The following ZRANB3 variants were observed in gnomAD, a reference collection of about 807,000 sequenced individuals.
ZRANB3 encodes the protein DNA annealing helicase and endonuclease ZRANB3.
ZRANB3 carries 125 observed loss-of-function variants against 133.8 expected under a neutral mutation model. The observed-to-expected ratio is 0.93, with a 90% CI of 0.81 to 1.08. The LOEUF (loss-of-function observed/expected upper bound fraction) is 1.08, where lower values mean the gene tolerates loss of function less well. ZRANB3 is among the 50% of genes least tolerant of loss of function. The pLI is 0.00. For missense variants in ZRANB3, 1,229 were observed against 1,275.5 expected (o/e 0.96, Z 0.56); for synonymous variants, 387 against 432.7 (o/e 0.89, Z 1.31).
At chr2:135,393,539 A>C (rs1687341033) in intron 2 of ZRANB3, among the ~76,000 whole-genome samples, 1 of 152,184 alleles carries the variant, frequency 6.6e-6, no homozygotes, top group Admixed American at 6.5e-5. Flanking sequence ...GTGTTCAAAA[A>C]GAGAAAAAGC....
At chr2:135,275,151 A>G (rs1328779152) in intron 9 of ZRANB3, among the ~76,000 whole-genome samples, 2 of 151,590 alleles carry the variant, frequency 1.3e-5, no homozygotes, top group African/African-American at 2.4e-5. Context: ...CACCTCCCAG[A>G]CGGGGTGGCG....
At chr2:135,286,453 T>C (rs1681371439) in intron 8 of ZRANB3, among the ~76,000 whole-genome samples, 1 of 152,132 alleles carries the variant, frequency 6.6e-6, no homozygotes, top group South Asian at 2.1e-4. Context: ...AATTTTTGTA[T>C]TTTTGGTAGT....
chr2:135,435,711 T>C (rs964405366), intron 2 of ZRANB3, among the ~76,000 whole-genome samples: 1 of 152,242 alleles, frequency 6.6e-6, no homozygotes, highest in Non-Finnish European at 1.5e-5. Context: ...GGTATCTCAC[T>C]GTGGCTTTGA....
At chr2:135,379,279 G>A (rs535670318) in intron 3 of ZRANB3, among the ~76,000 whole-genome samples, 9 of 152,266 alleles carry the variant, frequency 5.9e-5, no homozygotes, top group East Asian at 3.9e-4. Context: ...AAGGACTACC[G>A]TGTAGTCTCA....
intron 12 of ZRANB3, among the ~76,000 whole-genome samples, chr2:135,235,103 A>C (rs1573728694): frequency 6.6e-6 from 1 of 152,214 alleles, no homozygotes; most frequent in African/African-American, 2.4e-5. Flanking sequence ...GATAAAGGGG[A>C]TATCACCACC....
intron 2 of ZRANB3, among the ~76,000 whole-genome samples, chr2:135,464,764 T>G (rs1320023434): frequency 6.6e-6 from 1 of 152,216 alleles, no homozygotes; most frequent in African/African-American, 2.4e-5. Flanking sequence ...AGCTTGGACA[T>G]GCCAATCATC....
At chr2:135,408,402 T>C (rs2104950324) in intron 2 of ZRANB3, among the ~76,000 whole-genome samples, 1 of 152,342 alleles carries the variant, frequency 6.6e-6, no homozygotes, top group Non-Finnish European at 1.5e-5. Flanking sequence ...TCAGCCATTG[T>C]GGAAATCAGC....
chr2:135,426,918 A>G (rs1689120886), intron 2 of ZRANB3, among the ~76,000 whole-genome samples: 1 of 126,682 alleles, frequency 7.9e-6, no homozygotes, highest in Non-Finnish European at 1.7e-5. Context: ...ATATGTGCAA[A>G]TCAATAAATA....
chr2:135,466,733 G>A (rs540888330), intron 2 of ZRANB3, among the ~76,000 whole-genome samples: 3 of 150,988 alleles, frequency 2.0e-5, no homozygotes, highest in Non-Finnish European at 2.9e-5. Context: ...GCTAGAGTGC[G>A]ATGGCACAAT....
chr2:135,480,281 G>A (rs578178807), intron 2 of ZRANB3, among the ~76,000 whole-genome samples: 3 of 152,090 alleles, frequency 2.0e-5, no homozygotes, highest in Non-Finnish European at 2.9e-5. Context: ...GTTAGGCTGA[G>A]ATGATAAGCA....
chr2:135,414,262 T>C, intron 2 of ZRANB3, among the ~76,000 whole-genome samples: 1 of 151,874 alleles, frequency 6.6e-6, no homozygotes, highest in Non-Finnish European at 1.5e-5. Flanking sequence ...GAGGAAGATC[T>C]ACCAAGCCAA....
chr2:135,251,167 G>A (rs143206847), intron 12 of ZRANB3, among the ~76,000 whole-genome samples: 5 of 152,302 alleles, frequency 3.3e-5, no homozygotes, highest in East Asian at 1.9e-4. Context: ...TGCCTCACTC[G>A]ATTTCAGACT....
chr2:135,289,012 C>A (rs1002046355), intron 8 of ZRANB3, among the ~76,000 whole-genome samples: 10 of 151,450 alleles, frequency 6.6e-5, no homozygotes, highest in Non-Finnish European at 1.5e-4. Flanking sequence ...TGAGGTATGA[C>A]CTTAGATTGT....
chr2:135,392,073 C>A (rs960001667), intron 2 of ZRANB3, among the ~76,000 whole-genome samples: 2 of 151,970 alleles, frequency 1.3e-5, no homozygotes, highest in African/African-American at 4.8e-5. Context: ...TTTGAGACAG[C>A]AAACATATGA....
At position 135,238,564 on chromosome 2, in the gene ZRANB3, T is replaced by A. The variant is rs112978714; in HGVS notation, c.1540-7637A>T. ...TTTTTAGTAGAGATGGGGTTTCACC[T>A]GGTTGCCCAGGTGGGTCTTGAACTC... On this transcript the variant is annotated intron_variant, in intron 12 of 20. Transcript: ENST00000264159. Among the ~76,000 whole-genome samples, 450 of 152,146 alleles carry A rather than the reference T, an allele frequency of 3.0e-3. 3 individuals carry two copies. Among genetic ancestry groups the A allele is most frequent in the African/African-American group, 0.01 (419 of 41,530 alleles).
intron 2 of ZRANB3, among the ~76,000 whole-genome samples, chr2:135,477,164 T>C (rs1003812917): frequency 6.6e-6 from 1 of 152,218 alleles, no homozygotes; most frequent in Non-Finnish European, 1.5e-5. Flanking sequence ...TCTTTTTCTC[T>C]GTTATGTGTA....
chr2:135,239,853 A>T (rs897436338), intron 12 of ZRANB3, among the ~76,000 whole-genome samples: 1 of 151,940 alleles, frequency 6.6e-6, no homozygotes, highest in Admixed American at 6.6e-5. Context: ...GCGTGGTGGC[A>T]TGCACCTGTA....
At chr2:135,464,789 T>A (rs1690911326) in intron 2 of ZRANB3, among the ~76,000 whole-genome samples, 1 of 152,220 alleles carries the variant, frequency 6.6e-6, no homozygotes, top group Non-Finnish European at 1.5e-5. Context: ...TGCTGGGGTA[T>A]AAGGATCTGT....
At chr2:135,423,675 G>C (rs1471960308) in intron 2 of ZRANB3, among the ~76,000 whole-genome samples, 3 of 152,194 alleles carry the variant, frequency 2.0e-5, no homozygotes, top group African/African-American at 7.2e-5. Context: ...ACAGTGGAGG[G>C]TAGGGGGATA....
Sources: allele counts gnomAD v4.1 joint callset (sites outside exome capture counted in the v4.1 genomes callset), GRCh38; gene constraint gnomAD v4.1.1; transcripts MANE v1.5; gene names NCBI Gene and HGNC (gene_info 2026-07-23, HGNC 2026-07-21).